The following ANO1 variants were observed in gnomAD, a reference collection of about 807,000 sequenced individuals.
The protein encoded by ANO1 is anoctamin-1.
Under a neutral mutation model 124.0 loss-of-function variants are expected in ANO1, and 59 were observed. The observed-to-expected ratio is 0.48, with a 90% CI of 0.39 to 0.59. The LOEUF (loss-of-function observed/expected upper bound fraction) is 0.59, where lower values mean the gene tolerates loss of function less well. Among genes scored for constraint, ANO1 ranks in the 20% least tolerant of loss-of-function variants. The pLI is 0.00. For missense variants in ANO1, 1,059 were observed against 1,328.0 expected (o/e 0.80, Z 3.15); for synonymous variants, 529 against 532.0 (o/e 0.99, Z 0.08).
Position 70,088,078 on chromosome 11 carries a change from C to T in ANO1, c.435C>T (p.Asp145=), listed in dbSNP as rs542259870. The T allele has an allele frequency of 9.5e-5, 128 of 1,343,110 alleles. No homozygotes were observed. In the Admixed American group the frequency reaches 2.4e-3, roughly 25 times the overall value. 83.2% of individuals were successfully genotyped at this position (1,343,110 alleles called of 1,614,324 possible). Residue 145 remains aspartate, a synonymous_variant, in exon 2 of 26, where the codon GAC becomes GAT. Coordinates refer to ENST00000355303, the MANE Select transcript of ANO1 (RefSeq NM_018043.7). The part of the protein sequence containing the change: ...LLEAGLELER[D]EDTKIHGVGF... ...AGGCGGGCCTGGAGCTGGAGCGGGA[C>T]GAGGACGTAACTATCTCACTGCGCG... is the stretch of plus-strand genomic sequence containing the variant.
At chr11:70,141,302 G>C (rs1394939366) in intron 11 of ANO1, among the ~76,000 whole-genome samples, 8 of 152,180 alleles carry the variant, frequency 5.3e-5, no homozygotes, top group Non-Finnish European at 1.2e-4. Flanking sequence ...CACACCTAGT[G>C]CCTTGCGCCC....
chr11:70,133,499 C>G (rs1406131193), intron 11 of ANO1, among the ~76,000 whole-genome samples: 1 of 152,186 alleles, frequency 6.6e-6, no homozygotes, highest in Admixed American at 6.5e-5. Flanking sequence ...CAGAAGCACC[C>G]AGCAGGTTGG....
rs1326218688 is a variant in ANO1, at chr11:70,153,108, A to C, written c.1405A>C (p.Lys469Gln). ...EARVLEKSLK[K>Q]ESRNKEKRRH... ...CAGAGTCTTGGAGAAGTCTCTGAAGAAAGAGTCCAGAAACAAAGAGGTATG... is the reference window on the plus strand; with the variant it reads ...CAGAGTCTTGGAGAAGTCTCTGAAGCAAGAGTCCAGAAACAAAGAGGTATG... Residue 469 changes from lysine to glutamine, a missense_variant, in exon 14 of 26, where the codon AAA (lysine) becomes CAA (glutamine). This residue lies in a region of ANO1 where 809 missense variants were observed against 1,094.9 expected (regional missense o/e 0.74). Transcript: ENST00000355303. 6.2e-7 allele frequency: 1 copy of C among 1,606,670 alleles called. No homozygotes were observed. The highest frequency in any genetic ancestry group is 1.7e-5 in the Admixed American group (1 of 59,064).
chr11:70,047,372 T>C (rs1421002609), intron 1 of ANO1, among the ~76,000 whole-genome samples: 1 of 152,102 alleles, frequency 6.6e-6, no homozygotes, highest in African/African-American at 2.4e-5. Context: ...TATGGAGAAA[T>C]AAGAATTATG....
chr11:70,052,279 A>G (rs1204827748), intron 1 of ANO1, among the ~76,000 whole-genome samples: 2 of 152,210 alleles, frequency 1.3e-5, no homozygotes, highest in Non-Finnish European at 2.9e-5. Context: ...TGATCCATGT[A>G]TCCTTGAATA....
chr11:70,172,132 A>AAAAAAAAAAAAAAAAG (rs111814625), intron 22 of ANO1, among the ~76,000 whole-genome samples: 1 of 141,576 alleles, frequency 7.1e-6, no homozygotes, highest in Non-Finnish European at 1.5e-5. Flanking sequence ...AAAAAAAAAA[A>AAAAAAAAAAAAAAAAG]AAAAGAAAAG....
chr11:70,154,470 T>C lies in ANO1; in HGVS notation c.1425+1342T>C, dbSNP rs907508694. On this transcript the variant is annotated intron_variant, in intron 14 of 25. Transcript: ENST00000355303. ...AGGAAGGAAGTATGTCTTTTTTTTT[T>C]TTTTTTTTTTTTTTGAGAGGGAGTC... Among the ~76,000 whole-genome samples the C allele has an allele frequency of 2.1e-5, 3 of 144,510 alleles. 1 individual carries two copies. The Admixed American group carries it at 2.1e-4, about 10-fold the overall frequency. The allele number at this position is 144,510 out of a possible 152,430, so 94.8% of individuals were successfully genotyped here. A position where few individuals can be genotyped will look rare whatever the true frequency, so the allele number is the denominator to read the frequency against.
chr11:70,181,116 C>T (rs1488107062), intron 23 of ANO1, among the ~76,000 whole-genome samples: 2 of 152,206 alleles, frequency 1.3e-5, no homozygotes, highest in African/African-American at 4.8e-5. Context: ...CATGAAAACC[C>T]GAGGCAGCCA....
At chr11:70,031,646 AG>A (rs782029953) in intron 1 of ANO1, among the ~76,000 whole-genome samples, 218 of 152,250 alleles carry the variant, frequency 1.4e-3, no homozygotes, top group Middle Eastern at 0.01. Context: ...TGCCCAAGCC[AG>A]GGGGATGAGG....
chr11:70,187,102 G>A lies in ANO1; in HGVS notation c.2695-636G>A, dbSNP rs766159420. On this transcript the variant is annotated intron_variant, in intron 25 of 25. Transcript: ENST00000355303. ...GATGGGGCATAAGTTCTGCAGCTGC[G>A]AGCGTGAGCAGCCAACCCCAGCCCC... Among the ~76,000 whole-genome samples the A allele has an allele frequency of 1.9e-4, 29 of 152,206 alleles. No individual in the cohort carries two copies. The Middle Eastern group carries it at 0.014, about 71-fold the overall frequency.
At chr11:70,093,471 A>AT (rs2044718100) in intron 2 of ANO1, among the ~76,000 whole-genome samples, 2 of 152,200 alleles carry the variant, frequency 1.3e-5, no homozygotes, top group Non-Finnish European at 2.9e-5. Flanking sequence ...CCTGCTGGAC[A>AT]TTATTTATGT....
At chr11:70,089,716 AG>A (rs2044543416) in intron 2 of ANO1, among the ~76,000 whole-genome samples, 1 of 152,218 alleles carries the variant, frequency 6.6e-6, no homozygotes, top group Admixed American at 6.5e-5. Context: ...GGCAGCTGCC[AG>A]GGAACAGTGT....
intron 1 of ANO1, among the ~76,000 whole-genome samples, chr11:70,030,383 T>C (rs1251550432): frequency 6.6e-6 from 1 of 152,204 alleles, no homozygotes; most frequent in Non-Finnish European, 1.5e-5. Context: ...GGAGCTGCTA[T>C]GTTGGTTTCC....
At chr11:70,100,096 G>A (rs950345927) in intron 2 of ANO1, among the ~76,000 whole-genome samples, 2 of 152,140 alleles carry the variant, frequency 1.3e-5, no homozygotes, top group East Asian at 3.9e-4. Context: ...CGTGCCTGGG[G>A]CAGCCTAGTC....
At chr11:70,131,841 C>T in intron 10 of ANO1, 78 bp from the exon 11 acceptor site, 2 of 1,509,166 alleles carry the variant, frequency 1.3e-6, no homozygotes, top group Non-Finnish European at 1.8e-6. Context: ...AGCGCTTTCT[C>T]CCAGGCCAGC....
chr11:70,054,203 C>T (rs1456986300), intron 1 of ANO1, among the ~76,000 whole-genome samples: 9 of 152,212 alleles, frequency 5.9e-5, no homozygotes, highest in African/African-American at 2.2e-4. Flanking sequence ...ACACCCAGGG[C>T]CCACACACCC....
intron 2 of ANO1, among the ~76,000 whole-genome samples, chr11:70,092,423 G>A (rs1351388526): frequency 2.6e-5 from 4 of 152,178 alleles, no homozygotes; most frequent in African/African-American, 9.7e-5. Flanking sequence ...GGGCAGGCTG[G>A]AGCACGCGGG....
chr11:70,016,316 G>T (rs554663871), intron 1 of ANO1: 2 of 152,290 alleles, frequency 1.3e-5, no homozygotes, highest in Non-Finnish European at 2.9e-5. Flanking sequence ...ATAAGCCACC[G>T]TGCCAGGCCT....
chr11:69,977,207 T>A, the ANO1 span, among the ~76,000 whole-genome samples: 2 of 152,190 alleles, frequency 1.3e-5, no homozygotes, highest in Admixed American at 6.5e-5. Flanking sequence ...ATACCAACCC[T>A]GGCTTGCGTG....
Sources: gnomAD v4.1 joint callset for allele counts (sites outside exome capture counted in the v4.1 genomes callset) on GRCh38, gnomAD v4.1.1 for gene constraint, gnomAD v4.1.1 regional missense constraint, MANE v1.5 for transcripts, NCBI Gene and HGNC (gene_info 2026-07-23, HGNC 2026-07-21) for gene names.